MRPL22: variants seen among roughly 807,000 people sequenced by gnomAD.
MRPL22 encodes the protein mitochondrial ribosomal protein L22, also known as large ribosomal subunit protein uL22m.
In MRPL22, 27 loss-of-function variants were observed where a neutral mutation model predicts 32.4. The observed-to-expected ratio is 0.83, with a 90% CI of 0.61 to 1.15. The LOEUF is 1.15. Among genes scored for constraint, MRPL22 ranks in the 50% most tolerant of loss-of-function variants. The pLI is 0.00. For missense variants in MRPL22, 239 were observed against 260.2 expected, an observed-to-expected ratio of 0.92 and a Z score of 0.56; for synonymous variants, 86 against 87.3, an observed-to-expected ratio of 0.99 and a Z score of 0.08.
At chr5:154,947,753 CA>C (rs963587239) in intron 2 of MRPL22, among the ~76,000 whole-genome samples, 26 of 152,128 alleles carry the variant, frequency 1.7e-4, no homozygotes, top group Non-Finnish European at 3.2e-4. Context: ...CTATTATAGC[CA>C]CTTACGATAG....
intron 6 of MRPL22, among the ~76,000 whole-genome samples, chr5:154,965,896 C>T (rs766226503): frequency 6.6e-6 from 1 of 152,000 alleles, no homozygotes; most frequent in Non-Finnish European, 1.5e-5. Flanking sequence ...TTTCCAAGGC[C>T]CACCCCAGAT....
intron 6 of MRPL22, among the ~76,000 whole-genome samples, chr5:154,962,119 A>AT (rs949395541): frequency 8.7e-4 from 133 of 152,316 alleles, no homozygotes; most frequent in African/African-American, 3.0e-3. Context: ...GATTTTTAAA[A>AT]TTTTTCATTC....
chr5:154,964,824 T>G (rs1404248178), intron 6 of MRPL22, among the ~76,000 whole-genome samples: 1 of 152,094 alleles, frequency 6.6e-6, no homozygotes, highest in Admixed American at 6.5e-5. Flanking sequence ...ATTTGGAAAT[T>G]GGTGCTCAAG....
intron 2 of MRPL22, among the ~76,000 whole-genome samples, chr5:154,946,148 C>T (rs984958217): frequency 3.9e-5 from 6 of 152,096 alleles, no homozygotes; most frequent in Non-Finnish European, 5.9e-5. Flanking sequence ...CTGTGCTAGG[C>T]GGGTACAGCA....
intron 2 of MRPL22, among the ~76,000 whole-genome samples, chr5:154,944,420 CCTCTTAAG>C (rs1561737413): frequency 6.6e-6 from 1 of 152,162 alleles, no homozygotes. Context: ...GGGGGCATAT[CCTCTTAAG>C]CTTTCCTCAG....
chr5:154,953,362 G>GAAAAAAAA (rs573134537), intron 3 of MRPL22, among the ~76,000 whole-genome samples: 4 of 69,256 alleles, frequency 5.8e-5, no homozygotes, highest in East Asian at 8.3e-4. Context: ...CGTCTCAGGA[G>GAAAAAAAA]AAAAAAAAAA....
intron 2 of MRPL22, among the ~76,000 whole-genome samples, chr5:154,947,649 C>T (rs563147337): frequency 9.2e-5 from 14 of 152,190 alleles, no homozygotes; most frequent in Non-Finnish European, 1.9e-4. Flanking sequence ...GCAGTATCCA[C>T]GTACCAGACA....
intron 2 of MRPL22, among the ~76,000 whole-genome samples, chr5:154,942,039 C>A (rs182249551): frequency 1.3e-5 from 2 of 152,132 alleles, no homozygotes; most frequent in Non-Finnish European, 1.5e-5. Flanking sequence ...TCTTAATAAG[C>A]TTCAGTTATC....
At chr5:154,942,101 A>T (rs577810110) in intron 2 of MRPL22, among the ~76,000 whole-genome samples, 75 of 152,216 alleles carry the variant, frequency 4.9e-4, no homozygotes, top group African/African-American at 1.6e-3. Context: ...GATTTAAAAA[A>T]TTTTTTAATT....
chr5:154,966,601 G>A (rs1764769207), intron 6 of MRPL22, 85 bp from the exon 7 acceptor site: 1 of 1,417,582 alleles, frequency 7.1e-7, no homozygotes, highest in African/African-American at 1.4e-5. Context: ...TCAGAATCCA[G>A]TCAAGGAAAG....
chr5:154,967,450 A>G lies in MRPL22; in HGVS notation c.*553A>G, dbSNP rs1016372313. The stretch of plus-strand genomic sequence containing the variant: ...AGGAGTTTATTAGATATACGAATCT[A>G]AAACTCCAAAAACCTTTAACTTTGA... On this transcript the variant is annotated 3_prime_UTR_variant, in exon 7 of 7. Coordinates refer to ENST00000523037, the MANE Select transcript of MRPL22 (RefSeq NM_014180.4). This position sits in a 1 kb window ranked among gnomAD's most constrained non-coding sequence, Gnocchi z 4.7. 2.0e-5 allele frequency: 3 copies of G among 152,302 alleles called. No homozygotes were observed. The highest frequency in any genetic ancestry group is 2.0e-4 in the Admixed American group (3 of 15,284). 9.4% of individuals were successfully genotyped at this position (152,302 alleles called of 1,614,324 possible). A position where few individuals can be genotyped will look rare whatever the true frequency, so the allele number is the denominator to read the frequency against.
chr5:154,943,611 CACATATATAT>C (rs1561737133), intron 2 of MRPL22, among the ~76,000 whole-genome samples: 42 of 151,052 alleles, frequency 2.8e-4, no homozygotes, highest in African/African-American at 9.7e-4. Context: ...TACATATATA[CACATATATAT>C]ACATATATAC....
chr5:154,945,211 C>A (rs1014986037), intron 2 of MRPL22, among the ~76,000 whole-genome samples: 1 of 152,088 alleles, frequency 6.6e-6, no homozygotes, highest in Admixed American at 6.6e-5. Context: ...TTAGGGTGGC[C>A]GTGAAGGTAA....
intron 2 of MRPL22, among the ~76,000 whole-genome samples, chr5:154,950,231 G>A (rs1490304105): frequency 6.6e-6 from 1 of 152,062 alleles, no homozygotes; most frequent in African/African-American, 2.4e-5. Flanking sequence ...ACAGCATGGG[G>A]GAAACTGCCC....
intron 6 of MRPL22, among the ~76,000 whole-genome samples, chr5:154,961,837 C>T (rs545150974): frequency 6.6e-6 from 1 of 152,178 alleles, no homozygotes; most frequent in African/African-American, 2.4e-5. Context: ...GAGGCACGTA[C>T]GAGCACACTT....
intron 5 of MRPL22, among the ~76,000 whole-genome samples, 155 bp from the exon 6 acceptor site, chr5:154,959,825 C>T (rs1460638336): frequency 6.6e-6 from 1 of 152,188 alleles, no homozygotes; most frequent in African/African-American, 2.4e-5. Flanking sequence ...GCTCCCTTCT[C>T]CTTTGTACTC....
chr5:154,946,553 C>T (rs1005854805), intron 2 of MRPL22, among the ~76,000 whole-genome samples: 2 of 152,010 alleles, frequency 1.3e-5, no homozygotes, highest in African/African-American at 4.8e-5. Flanking sequence ...GTGGCTCACA[C>T]CTGTAATCCT....
At chr5:154,952,013 G>C (rs530093354) in intron 3 of MRPL22, among the ~76,000 whole-genome samples, 34 of 151,566 alleles carry the variant, frequency 2.2e-4, no homozygotes, top group South Asian at 4.2e-4. Context: ...CTCCCGACTA[G>C]CTGGGACTAC....
chr5:154,964,710 G>T (rs1410456038), intron 6 of MRPL22, among the ~76,000 whole-genome samples: 1 of 152,134 alleles, frequency 6.6e-6, no homozygotes, highest in Non-Finnish European at 1.5e-5. Flanking sequence ...TTCTGCTTTT[G>T]TGCAGATCTC....
Sources: allele counts gnomAD v4.1 joint callset (sites outside exome capture counted in the v4.1 genomes callset), GRCh38; gene constraint gnomAD v4.1.1; non-coding constraint Gnocchi (gnomAD v3.1); transcripts MANE v1.5; gene names NCBI Gene and HGNC (gene_info 2026-07-23, HGNC 2026-07-21).